Variants in GRM8 observed in about 807,000 individuals in gnomAD.
GRM8 encodes glutamate metabotropic receptor 8, also known as metabotropic glutamate receptor 8.
Under a neutral mutation model 87.2 loss-of-function variants are expected in GRM8, and 47 were observed. That is an observed-to-expected ratio of 0.54 (90% confidence interval 0.43 to 0.69). The LOEUF (loss-of-function observed/expected upper bound fraction) is 0.69. GRM8 is among the 30% of genes least tolerant of loss of function. GRM8 has a pLI of 0.00. For missense variants in GRM8, 1,019 were observed against 1,139.2 expected, an observed-to-expected ratio of 0.89 and a Z score of 1.52; for synonymous variants, 396 against 404.5, an observed-to-expected ratio of 0.98 and a Z score of 0.25.
chr7:127,220,076 T>C (rs1796823601), intron 2 of GRM8, among the ~76,000 whole-genome samples: 1 of 152,196 alleles, frequency 6.6e-6, no homozygotes, highest in Non-Finnish European at 1.5e-5. Flanking sequence ...TGACTACTTG[T>C]GTTAGAGAAC....
chr7:126,777,087 G>C (rs1819558802), intron 6 of GRM8, among the ~76,000 whole-genome samples: 1 of 151,994 alleles, frequency 6.6e-6, no homozygotes, highest in Non-Finnish European at 1.5e-5. Flanking sequence ...TCAGAGTTTT[G>C]GTTCACTGTG....
intron 3 of GRM8, among the ~76,000 whole-genome samples, chr7:127,060,811 C>CAAA (rs11397438): frequency 1.3e-5 from 2 of 149,476 alleles, no homozygotes; most frequent in African/African-American, 4.9e-5. Context: ...ATGCATGTAG[C>CAAA]AAAAAAAAAA....
At chr7:126,832,265 G>A (rs1795464311) in intron 6 of GRM8, among the ~76,000 whole-genome samples, 1 of 151,886 alleles carries the variant, frequency 6.6e-6, no homozygotes, top group Non-Finnish European at 1.5e-5. Context: ...CTGTGATCTA[G>A]AATGACAATA....
intron 8 of GRM8, among the ~76,000 whole-genome samples, chr7:126,549,594 TA>T (rs1262127091): frequency 6.6e-6 from 1 of 152,166 alleles, no homozygotes; most frequent in East Asian, 1.9e-4. Context: ...TCTGCCACAA[TA>T]CAAATGCAGA....
chr7:126,945,097 A>G (rs1807389363), intron 3 of GRM8, among the ~76,000 whole-genome samples: 1 of 152,188 alleles, frequency 6.6e-6, no homozygotes, highest in Non-Finnish European at 1.5e-5. Context: ...TAGATCTATA[A>G]ATTACATGTG....
chr7:126,851,567 C>T (rs1302085844), intron 6 of GRM8, among the ~76,000 whole-genome samples: 1 of 152,148 alleles, frequency 6.6e-6, no homozygotes, highest in Non-Finnish European at 1.5e-5. Context: ...GCTACACCTC[C>T]TTGTTGTCCT....
chr7:127,205,050 G>A lies in GRM8; in HGVS notation c.510+37645C>T, dbSNP rs182727603. 2.4e-4 allele frequency among the ~76,000 whole-genome samples: 37 copies of A among 152,272 alleles called. No homozygotes were observed. In the East Asian group the frequency reaches 6.8e-3, roughly 28 times the overall value. On this transcript the variant is annotated intron_variant, in intron 2 of 10. Transcript: ENST00000339582. The stretch of plus-strand genomic sequence containing the variant: ...TAGCCTTCGCCTTTTCCATTTGTTG[G>A]TTTGCGGAAAGACAAAACTGTGCTG...
intron 2 of GRM8, among the ~76,000 whole-genome samples, chr7:127,108,435 C>T (rs1826018718): frequency 1.3e-5 from 2 of 151,940 alleles, no homozygotes. Flanking sequence ...TATGTATGTG[C>T]GAGTAGGGGT....
At chr7:127,153,726 C>T (rs567938685) in intron 2 of GRM8, among the ~76,000 whole-genome samples, 5 of 152,226 alleles carry the variant, frequency 3.3e-5, no homozygotes, top group African/African-American at 9.6e-5. Flanking sequence ...TCACCAGCAC[C>T]TAGCACAGCT....
At chr7:126,468,859 T>C (rs560519077) in intron 9 of GRM8, among the ~76,000 whole-genome samples, 1 of 152,256 alleles carries the variant, frequency 6.6e-6, no homozygotes, top group African/African-American at 2.4e-5. Flanking sequence ...TCTTCAATCC[T>C]ACCTTTCAAG....
At chr7:126,972,931 T>G (rs1810578927) in intron 3 of GRM8, among the ~76,000 whole-genome samples, 1 of 152,224 alleles carries the variant, frequency 6.6e-6, no homozygotes, top group Non-Finnish European at 1.5e-5. Flanking sequence ...CAAATGCAAT[T>G]TTATTTGTTA....
At chr7:127,230,372 C>T (rs144874091) in intron 2 of GRM8, among the ~76,000 whole-genome samples, 132 of 151,504 alleles carry the variant, frequency 8.7e-4, no homozygotes, top group African/African-American at 3.1e-3. Flanking sequence ...CACATACTTC[C>T]ACCCCCACAT....
intron 2 of GRM8, among the ~76,000 whole-genome samples, chr7:127,141,161 C>T (rs1290557539): frequency 6.6e-6 from 1 of 152,036 alleles, no homozygotes; most frequent in Admixed American, 6.6e-5. Context: ...TAGGCCACTA[C>T]CAGCTGCCTT....
At chr7:127,251,252 G>A (rs763628148) in intron 1 of GRM8, 47 of 152,204 alleles carry the variant, frequency 3.1e-4, no homozygotes, top group Non-Finnish European at 5.1e-4. Flanking sequence ...GGAACCGCGG[G>A]GGTGCGGTTT....
chr7:126,584,705 A>G (rs1795931352), intron 8 of GRM8, among the ~76,000 whole-genome samples: 2 of 152,198 alleles, frequency 1.3e-5, no homozygotes, highest in South Asian at 4.1e-4. Context: ...GTGCTTTTCA[A>G]ACAATTAGCA....
intron 2 of GRM8, among the ~76,000 whole-genome samples, chr7:127,172,484 C>A (rs1264809766): frequency 2.0e-5 from 3 of 151,976 alleles, no homozygotes; most frequent in Non-Finnish European, 4.4e-5. Context: ...GCAGGTGGAT[C>A]ATTTGAGGTC....
chr7:126,815,818 T>C (rs1793736514), intron 6 of GRM8, among the ~76,000 whole-genome samples: 1 of 152,126 alleles, frequency 6.6e-6, no homozygotes. Flanking sequence ...TAGATACTTC[T>C]GTGCAGCCAC....
intron 7 of GRM8, among the ~76,000 whole-genome samples, chr7:126,635,591 C>T (rs1801777395): frequency 1.3e-5 from 2 of 151,916 alleles, no homozygotes; most frequent in South Asian, 2.1e-4. Flanking sequence ...ACACCACATG[C>T]TCTGAGGAGT....
At chr7:126,722,946 A>G (rs1288973347) in intron 7 of GRM8, among the ~76,000 whole-genome samples, 1 of 144,138 alleles carries the variant, frequency 6.9e-6, no homozygotes, top group Non-Finnish European at 1.5e-5. Context: ...TATGTTATAG[A>G]TAATATATAA....
Sources: allele counts gnomAD v4.1 joint callset (sites outside exome capture counted in the v4.1 genomes callset), GRCh38; gene constraint gnomAD v4.1.1; transcripts MANE v1.5; gene names NCBI Gene and HGNC (gene_info 2026-07-23, HGNC 2026-07-21).